PLXNB2: variants seen among roughly 807,000 people sequenced by gnomAD.
PLXNB2 encodes plexin B2, also known as plexin-B2.
Under a neutral mutation model 202.6 loss-of-function variants are expected in PLXNB2, and 85 were observed. The ratio of observed to expected loss-of-function variants is 0.42; its 90% CI spans 0.35 to 0.50. The LOEUF (loss-of-function observed/expected upper bound fraction) is 0.50, where lower values mean the gene tolerates loss of function less well. Ranked by LOEUF, PLXNB2 falls within the 20% of genes least tolerant of loss-of-function variation. The pLI, the probability that PLXNB2 is intolerant of heterozygous loss-of-function variation, is 0.02. For missense variants in PLXNB2, 2,063 were observed against 2,586.2 expected (o/e 0.80, Z 4.39); for synonymous variants, 1,239 against 1,137.6 (o/e 1.09, Z -1.79).
chr22:50,299,314 G>A (rs2067508399), intron 1 of PLXNB2, among the ~76,000 whole-genome samples: 1 of 104,274 alleles, frequency 9.6e-6, no homozygotes, highest in Admixed American at 1.0e-4. Context: ...GGGGGGGCCC[G>A]GTGCGGGGGC....
intron 2 of PLXNB2, among the ~76,000 whole-genome samples, chr22:50,293,456 G>A (rs1404956420): frequency 2.0e-5 from 3 of 152,298 alleles, no homozygotes; most frequent in East Asian, 3.9e-4. Flanking sequence ...GGCAGGCAAC[G>A]TCCAGGCCCC....
intron 35 of PLXNB2, among the ~76,000 whole-genome samples, chr22:50,276,324 A>C (rs2065574426): frequency 2.1e-5 from 3 of 144,670 alleles, no homozygotes; most frequent in Non-Finnish European, 4.6e-5. Context: ...ATGGAGCCGC[A>C]GGGAGGGGGC....
At chr22:50,305,535 C>A (rs1381268321) in intron 1 of PLXNB2, among the ~76,000 whole-genome samples, 1 of 152,226 alleles carries the variant, frequency 6.6e-6, no homozygotes, top group Non-Finnish European at 1.5e-5. Flanking sequence ...GCGCCATATC[C>A]AGAGGGGGTC....
intron 2 of PLXNB2, among the ~76,000 whole-genome samples, chr22:50,293,586 G>T (rs544254477): frequency 1.3e-5 from 2 of 152,222 alleles, no homozygotes; most frequent in Non-Finnish European, 1.5e-5. Flanking sequence ...CGCAGCTCCC[G>T]GGAATGAATG....
At position 50,287,955 on chromosome 22, in the gene PLXNB2, C is replaced by T; in HGVS notation, c.1463G>A (p.Trp488Ter). 2 of 1,586,662 alleles carry T rather than the reference C, an allele frequency of 1.3e-6. No homozygotes were observed. Among genetic ancestry groups the T allele is most frequent in the South Asian group, 1.1e-5 (1 of 87,444 alleles). ...CACTCACCGTCCCTCGACGACGCAC[C>T]AGCCGCAGTAGGGGTCCTGGGAGTC... is the stretch of plus-strand genomic sequence containing the variant. ...CRDSQDPYCG[W>*]CVVEGRCTRK... The change falls in exon 6 of 37, where the codon TGG (tryptophan) becomes TAG (stop). Residue 488 changes from tryptophan (W) to a stop codon, truncating the protein, a stop_gained. Coordinates refer to ENST00000359337, the MANE Select transcript of PLXNB2 (RefSeq NM_012401.4). LOFTEE classifies it high-confidence loss of function.
At position 50,276,642 on chromosome 22, in the gene PLXNB2, G is replaced by T. The variant is rs746289473; in HGVS notation, c.5324C>A (p.Ala1775Glu). The T allele has an allele frequency of 3.1e-6, 5 of 1,613,506 alleles. No individual in the cohort carries two copies. The East Asian group carries it at 1.1e-4, about 36-fold the overall frequency. ...VSDQDMNTHL[A>E]EISRAHTDSL... Reference sequence around the variant, plus strand: ...TGGTCTCCTTACCCGGGAAATCTCTGCCAGGTGTGTGTTCATGTCCTGGTC... The same window carrying T: ...TGGTCTCCTTACCCGGGAAATCTCTTCCAGGTGTGTGTTCATGTCCTGGTC... The change falls in exon 35 of 37, where the codon GCA becomes GAA. Residue 1775 changes from alanine (A) to glutamate (E), a missense_variant. Around this residue, in one of 2 missense-constraint regions of PLXNB2, gnomAD observed 760 missense variants for 1,109.4 expected, o/e 0.69. Coordinates refer to ENST00000359337, the MANE Select transcript of PLXNB2 (RefSeq NM_012401.4).
chr22:50,297,195 C>T lies in PLXNB2; in HGVS notation c.-73-2417G>A, dbSNP rs1479451918. Among the ~76,000 whole-genome samples, 3 of 152,168 alleles carry T rather than the reference C, an allele frequency of 2.0e-5. No individual in the cohort carries two copies. Among genetic ancestry groups the T allele is most frequent in the Non-Finnish European group, 4.4e-5 (3 of 68,008 alleles). ...GGCACGGTACCCCCAGACCTGCCAT[C>T]TTGAAGGGACGCCACACCGGCCTGT... is the stretch of plus-strand genomic sequence containing the variant. On this transcript the variant is annotated intron_variant, in intron 1 of 36. Transcript: ENST00000359337. This position sits in a 1 kb window ranked among gnomAD's most constrained non-coding sequence, Gnocchi z 5.3.
At chr22:50,294,200 T>TAC (rs1349392883) in intron 2 of PLXNB2, among the ~76,000 whole-genome samples, 2 of 152,226 alleles carry the variant, frequency 1.3e-5, no homozygotes, top group Admixed American at 6.5e-5. Flanking sequence ...GACCCCCACT[T>TAC]ACGGGGCTGG....
rs778550298 is a variant in PLXNB2, at chr22:50,286,078, T to C, written c.1898A>G (p.Asn633Ser). ...ENLPCISCVS[N>S]RWTCQWDLRY... is the part of the protein sequence containing the mutation. Reference sequence around the variant, plus strand: ...CAGGTCCCACTGGCAGGTCCAGCGGTTGCTCACGCAGGAGATGCACCTGCA... The same window carrying C: ...CAGGTCCCACTGGCAGGTCCAGCGGCTGCTCACGCAGGAGATGCACCTGCA... The change falls in exon 10 of 37, where the codon AAC (asparagine) becomes AGC (serine). Residue 633 changes from asparagine (N) to serine (S), a missense_variant. Transcript: ENST00000359337. 1.2e-5 allele frequency: 19 copies of C among 1,611,476 alleles called. No individual in the cohort carries two copies. Among genetic ancestry groups the C allele is most frequent in the Non-Finnish European group, 1.6e-5 (19 of 1,179,926 alleles).
chr22:50,307,061 C>T (rs1302331622), intron 1 of PLXNB2, among the ~76,000 whole-genome samples: 1 of 152,172 alleles, frequency 6.6e-6, no homozygotes, highest in Admixed American at 6.5e-5. Flanking sequence ...GCGAGGAGGC[C>T]CAGGCAGTGG....
At chr22:50,280,228 T>C (rs1293698902) in intron 25 of PLXNB2, among the ~76,000 whole-genome samples, 157 bp from the exon 26 acceptor site, 1 of 152,178 alleles carries the variant, frequency 6.6e-6, no homozygotes, top group East Asian at 1.9e-4. Flanking sequence ...CTCCAGCCCT[T>C]GTGGGAAGTG....
At chr22:50,282,909 T>A (rs777973396) in intron 17 of PLXNB2, 28 bp from the exon 18 acceptor site, 1 of 1,586,908 alleles carries the variant, frequency 6.3e-7, no homozygotes, top group Non-Finnish European at 8.6e-7. Flanking sequence ...CTGGTCTGCA[T>A]CAACCCCTCC....
At chr22:50,292,697 G>T (rs1400847720) in intron 2 of PLXNB2, among the ~76,000 whole-genome samples, 1 of 151,982 alleles carries the variant, frequency 6.6e-6, no homozygotes, top group African/African-American at 2.4e-5. Flanking sequence ...TTTGGGTGAA[G>T]CTGCATTTAC....
Position 50,280,685 on chromosome 22 carries a change from G to A in PLXNB2, c.3994-15C>T, listed in dbSNP as rs373277501. 4.4e-5 allele frequency: 71 copies of A among 1,607,888 alleles called. No homozygotes were observed. Among genetic ancestry groups the A allele is most frequent in the East Asian group, 2.2e-4 (10 of 44,698 alleles). The stretch of plus-strand genomic sequence containing the variant: ...GTGTGGATGAACTGTAGGGGCCGGC[G>A]GTCAAAGCCTGCCCGGCGCCACCTG... On this transcript the variant is annotated splice_polypyrimidine_tract_variant and intron_variant, in intron 24 of 36. Coordinates refer to ENST00000359337, the MANE Select transcript of PLXNB2 (RefSeq NM_012401.4).
intron 2 of PLXNB2, among the ~76,000 whole-genome samples, chr22:50,293,928 C>T (rs1390630719): frequency 1.3e-5 from 2 of 152,264 alleles, no homozygotes; most frequent in Non-Finnish European, 2.9e-5. Flanking sequence ...CAGGGTCCTA[C>T]AGGCCCAGGC....
rs1175200568 is a variant in PLXNB2, at chr22:50,289,506, G to A, written c.1068+11C>T. ...AGTCCGGGCCCTGCGAGAACACACT[G>A]AGGCCCATACCGGCGCGTGGCCGCC... On this transcript the variant is annotated intron_variant, in intron 3 of 36. Coordinates refer to ENST00000359337, the MANE Select transcript of PLXNB2 (RefSeq NM_012401.4). This position sits in a 1 kb window ranked among gnomAD's most constrained non-coding sequence, Gnocchi z 8.0. 6.3e-7 allele frequency: 1 copy of A among 1,599,650 alleles called. No individual in the cohort carries two copies. The highest frequency in any genetic ancestry group is 1.7e-5 in the Admixed American group (1 of 58,668).
chr22:50,283,776 G>C (rs2066201540), intron 14 of PLXNB2, 26 bp from the exon 15 acceptor site: 1 of 1,612,906 alleles, frequency 6.2e-7, no homozygotes, highest in African/African-American at 1.3e-5. Flanking sequence ...CGGGTGAGCA[G>C]GGAGGGGCTC....
chr22:50,281,166 C>A lies in PLXNB2; in HGVS notation c.3686G>T (p.Arg1229Leu). The change falls in exon 23 of 37, where the codon CGA becomes CTA. Residue 1229 changes from arginine to leucine, a missense_variant. Transcript: ENST00000359337. ...CTGGGACTTGATCTTCTCATACTCT[C>A]GTTCGGCCTGCTGGCTCTTCCTCCT... ...CYWRKSQQAE[R>L]EYEKIKSQLE... is the part of the protein sequence containing the mutation. 6.2e-7 allele frequency: 1 copy of A among 1,612,984 alleles called. No individual in the cohort carries two copies. Among genetic ancestry groups the A allele is most frequent in the East Asian group, 2.2e-5 (1 of 44,856 alleles).
rs992533331 is a variant in PLXNB2, at chr22:50,288,123, G to A, written c.1381-86C>T. 1 of 1,031,432 alleles carries A rather than the reference G, an allele frequency of 9.7e-7. No individual in the cohort carries two copies. The highest frequency in any genetic ancestry group is 2.3e-5 in the Admixed American group (1 of 43,980). 63.9% of individuals were successfully genotyped at this position (1,031,432 alleles called of 1,614,324 possible). On this transcript the variant is annotated intron_variant, in intron 5 of 36. Transcript: ENST00000359337. The surrounding 1 kb of genome is among the most constrained non-coding windows in gnomAD (Gnocchi z 5.0). ...CCAGATGTCCCCAGACCGCCAGCTT[G>A]ACCCAGCTCTGTCCCGGGGCCTCGG... is the stretch of plus-strand genomic sequence containing the variant.
Sources: gnomAD v4.1 joint callset for allele counts (sites outside exome capture counted in the v4.1 genomes callset) on GRCh38, gnomAD v4.1.1 for gene constraint, gnomAD v4.1.1 regional missense constraint, Gnocchi (gnomAD v3.1) non-coding constraint, MANE v1.5 for transcripts, NCBI Gene and HGNC (gene_info 2026-07-23, HGNC 2026-07-21) for gene names.